ADARB2: variants seen among roughly 807,000 people sequenced by gnomAD.
ADARB2 encodes adenosine deaminase RNA specific B2 (inactive).
In ADARB2, 25 loss-of-function variants were observed where a neutral mutation model predicts 62.2. The ratio of observed to expected loss-of-function variants is 0.40; its 90% CI spans 0.29 to 0.56. The LOEUF (loss-of-function observed/expected upper bound fraction) is 0.56. Ranked by LOEUF, ADARB2 falls within the 20% of genes least tolerant of loss-of-function variation. The pLI is 0.43. For missense variants in ADARB2, 1,071 were observed against 1,077.4 expected, an observed-to-expected ratio of 0.99 and a Z score of 0.08; for synonymous variants, 572 against 500.8, an observed-to-expected ratio of 1.14 and a Z score of -1.90.
chr10:1,304,083 T>C (rs1831601916), intron 3 of ADARB2, among the ~76,000 whole-genome samples: 1 of 150,784 alleles, frequency 6.6e-6, no homozygotes, highest in Non-Finnish European at 1.5e-5. Flanking sequence ...GACTGGCAAA[T>C]TGGATAAAGA....
At chr10:1,376,734 T>C (rs1328491688) in intron 2 of ADARB2, among the ~76,000 whole-genome samples, 1 of 152,124 alleles carries the variant, frequency 6.6e-6, no homozygotes, top group African/African-American at 2.4e-5. Context: ...AAGCTTCATT[T>C]CTTTTTCTCC....
At chr10:1,721,990 T>C (rs1835099319) in intron 1 of ADARB2, among the ~76,000 whole-genome samples, 1 of 152,220 alleles carries the variant, frequency 6.6e-6, no homozygotes, top group Non-Finnish European at 1.5e-5. Flanking sequence ...TTTACTATAT[T>C]TAAAGGTTTA....
intron 1 of ADARB2, among the ~76,000 whole-genome samples, chr10:1,454,666 G>A (rs1381735871): frequency 6.6e-6 from 1 of 152,010 alleles, no homozygotes; most frequent in African/African-American, 2.4e-5. Context: ...TGGTTGCTGG[G>A]GCCGGGGAGG....
At chr10:1,655,333 G>T (rs560267103) in intron 1 of ADARB2, among the ~76,000 whole-genome samples, 2 of 152,320 alleles carry the variant, frequency 1.3e-5, no homozygotes, top group African/African-American at 2.4e-5. Flanking sequence ...GACGTGGCAG[G>T]TTTCACTCCC....
chr10:1,286,199 C>G (rs1387687752), intron 3 of ADARB2, among the ~76,000 whole-genome samples: 1 of 152,168 alleles, frequency 6.6e-6, no homozygotes, highest in Admixed American at 6.5e-5. Context: ...GAAGCCCCCT[C>G]TCAAACAACA....
intron 3 of ADARB2, among the ~76,000 whole-genome samples, chr10:1,271,606 GTGCACACACGAATA>G (rs1472884001): frequency 2.6e-5 from 4 of 152,032 alleles, no homozygotes; most frequent in Non-Finnish European, 5.9e-5. Context: ...TAGGGCACAC[GTGCACACACGAATA>G]TGCACACACA....
rs1833864828 is a variant in ADARB2 at position 1,633,274 on chromosome 10, C to T, written c.100+103777G>A. Among the ~76,000 whole-genome samples, 2 of 152,118 alleles carry T rather than the reference C, an allele frequency of 1.3e-5. 1 individual carries two copies. The highest frequency in any genetic ancestry group is 1.3e-4 in the Admixed American group (2 of 15,278). ...GCCTCCATGATCACATGAGCCAGTTCCCATAATAAACCTCCCCATACACAG... is the reference window on the plus strand; with the variant it reads ...GCCTCCATGATCACATGAGCCAGTTTCCATAATAAACCTCCCCATACACAG... On this transcript the variant is annotated intron_variant, in intron 1 of 9. Coordinates refer to ENST00000381312, the MANE Select transcript of ADARB2 (RefSeq NM_018702.4).
intron 1 of ADARB2, among the ~76,000 whole-genome samples, chr10:1,561,699 T>C (rs1240855393): frequency 6.6e-6 from 1 of 152,072 alleles, no homozygotes; most frequent in Non-Finnish European, 1.5e-5. Flanking sequence ...CCTAAATGAA[T>C]CTCATGCACC....
intron 4 of ADARB2, among the ~76,000 whole-genome samples, chr10:1,260,955 A>C (rs1831130819): frequency 7.6e-6 from 1 of 131,944 alleles, no homozygotes; most frequent in Admixed American, 8.1e-5. Context: ...CAAAACAGAG[A>C]TATAGATCAA....
intron 4 of ADARB2, among the ~76,000 whole-genome samples, chr10:1,257,110 A>G (rs993421716): frequency 1.3e-5 from 2 of 152,254 alleles, no homozygotes; most frequent in Non-Finnish European, 2.9e-5. Context: ...AGCTGTGTTC[A>G]GGCCCTGTGA....
In ADARB2 at chr10:1,326,516, T is replaced by C. The variant is rs143240933; in HGVS notation, c.1077+36512A>G. On this transcript the variant is annotated intron_variant, in intron 3 of 9. Transcript: ENST00000381312. ...CTATGAACTCTGAAAAGTAACCATT[T>C]CTGTCACTGTTTTTATATGAACTTG... 2.8e-3 allele frequency among the ~76,000 whole-genome samples: 424 copies of C among 152,366 alleles called. 2 individuals are homozygous for C. Among genetic ancestry groups the C allele is most frequent in the South Asian group, 7.9e-3 (38 of 4,828 alleles).
At chr10:1,563,921 A>T (rs1028936607) in intron 1 of ADARB2, among the ~76,000 whole-genome samples, 10 of 149,260 alleles carry the variant, frequency 6.7e-5, no homozygotes, top group Non-Finnish European at 1.3e-4. Flanking sequence ...GAGAATGATG[A>T]TTTCCAATTT....
At chr10:1,446,249 T>G (rs10751801) in intron 1 of ADARB2, among the ~76,000 whole-genome samples, 2 of 152,174 alleles carry the variant, frequency 1.3e-5, no homozygotes, top group African/African-American at 4.8e-5. Context: ...TTATTATTTT[T>G]ATGACTACGA....
chr10:1,517,875 G>C (rs1832025466), intron 1 of ADARB2, among the ~76,000 whole-genome samples: 1 of 152,172 alleles, frequency 6.6e-6, no homozygotes, highest in African/African-American at 2.4e-5. Context: ...TGTGAGGAAA[G>C]GGGTTCCCAA....
Position 1,379,229 on chromosome 10 carries a change from T to C in ADARB2, c.101-69A>G, listed in dbSNP as rs1042321909. 8 of 1,279,104 alleles carry C rather than the reference T, an allele frequency of 6.3e-6. No homozygotes were observed. The African/African-American group carries it at 1.2e-4, about 19-fold the overall frequency. The allele number at this position is 1,279,104 out of a possible 1,614,324, so 79.2% of individuals were successfully genotyped here. A position where few individuals can be genotyped will look rare whatever the true frequency, so the allele number is the denominator to read the frequency against. ...CGGAAAAACTCAATGCTTTTATAAG[T>C]TCTTATTACTGAATGTTGGACAAGG... On this transcript the variant is annotated intron_variant, in intron 1 of 9. Transcript: ENST00000381312.
chr10:1,216,841 C>T, intron 7 of ADARB2, 110 bp downstream of exon 7: 1 of 1,387,650 alleles, frequency 7.2e-7, no homozygotes, highest in South Asian at 1.3e-5. Context: ...GCCCTGACCG[C>T]ATGTGCCCAG....
At chr10:1,334,479 A>G (rs1831956190) in intron 3 of ADARB2, among the ~76,000 whole-genome samples, 1 of 152,256 alleles carries the variant, frequency 6.6e-6, no homozygotes, top group Admixed American at 6.5e-5. Flanking sequence ...AAGTGTTTGT[A>G]TATAATAAAT....
At chr10:1,625,091 A>C (rs1833750061) in intron 1 of ADARB2, among the ~76,000 whole-genome samples, 1 of 152,208 alleles carries the variant, frequency 6.6e-6, no homozygotes, top group Non-Finnish European at 1.5e-5. Flanking sequence ...GCATCTGTTC[A>C]GAATTGGCCA....
chr10:1,634,373 A>G (rs978614693), intron 1 of ADARB2, among the ~76,000 whole-genome samples: 3 of 152,216 alleles, frequency 2.0e-5, no homozygotes, highest in African/African-American at 7.2e-5. Flanking sequence ...CAGCCTAGGC[A>G]AGGGCAAGGT....
Sources: gnomAD v4.1 joint callset for allele counts (sites outside exome capture counted in the v4.1 genomes callset) on GRCh38, gnomAD v4.1.1 for gene constraint, MANE v1.5 for transcripts, NCBI Gene and HGNC (gene_info 2026-07-23, HGNC 2026-07-21) for gene names.